CD80: variants seen among roughly 807,000 people sequenced by gnomAD.
The protein encoded by CD80 is T-lymphocyte activation antigen CD80.
CD80 carries 13 observed loss-of-function variants against 27.1 expected under a neutral mutation model. That is an observed-to-expected ratio of 0.48 (90% CI 0.31 to 0.76). The LOEUF (loss-of-function observed/expected upper bound fraction) is 0.76, where lower values mean the gene tolerates loss of function less well. CD80 is among the 30% of genes least tolerant of loss of function. The probability of loss-of-function intolerance (pLI) is 0.04; values close to 1 mark genes in which losing one functional copy is unlikely to be tolerated. For missense variants in CD80, 277 were observed against 347.9 expected (o/e 0.80, Z 1.62); for synonymous variants, 125 against 125.5 (o/e 1.00, Z 0.03).
chr3:119,546,386 T>C (rs1436187937), intron 2 of CD80, among the ~76,000 whole-genome samples: 2 of 152,178 alleles, frequency 1.3e-5, no homozygotes, highest in Non-Finnish European at 1.5e-5. Context: ...ACAGGTGCTA[T>C]GTCATTTAAT....
At chr3:119,535,446 A>G (rs961298155) in intron 4 of CD80, among the ~76,000 whole-genome samples, 1 of 152,156 alleles carries the variant, frequency 6.6e-6, no homozygotes, top group African/African-American at 2.4e-5. Context: ...GTAGGGAGAG[A>G]GACCTGTGGT....
rs573304504 is a variant in CD80, at chr3:119,543,155, G to A, written c.418+1395C>T. ...CTGATTTGAGTAATGATAAAACTCCGGTCTCCCGCACAGCCAGTTGTGCGT... is the reference window on the plus strand; with the variant it reads ...CTGATTTGAGTAATGATAAAACTCCAGTCTCCCGCACAGCCAGTTGTGCGT... On this transcript the variant is annotated intron_variant, in intron 3 of 6. Transcript: ENST00000264246. 6.6e-5 allele frequency among the ~76,000 whole-genome samples: 10 copies of A among 152,248 alleles called. No individual in the cohort carries two copies. In the South Asian group the frequency reaches 8.3e-4, roughly 13 times the overall value.
rs950118436 is a variant in CD80 at position 119,525,673 on chromosome 3, C to G, written c.*115G>C. On this transcript the variant is annotated 3_prime_UTR_variant, in exon 7 of 7. Transcript: ENST00000264246. ...GTGAAGAAGCACCTAAGAGCAGATACGTAAAGGGCAAGGTGGGGTAATCTT... is the reference window on the plus strand; with the variant it reads ...GTGAAGAAGCACCTAAGAGCAGATAGGTAAAGGGCAAGGTGGGGTAATCTT... 1.3e-5 allele frequency: 2 copies of G among 152,374 alleles called. No homozygotes were observed. The highest frequency in any genetic ancestry group is 4.8e-5 in the African/African-American group (2 of 41,372). The allele number at this position is 152,374 out of a possible 1,614,324, so 9.4% of individuals were successfully genotyped here. A position where few individuals can be genotyped will look rare whatever the true frequency, so the allele number is the denominator to read the frequency against.
intron 2 of CD80, among the ~76,000 whole-genome samples, chr3:119,552,014 G>C (rs760003698): frequency 6.6e-6 from 1 of 152,254 alleles, no homozygotes; most frequent in South Asian, 2.1e-4. Flanking sequence ...TCTGGCGAAT[G>C]CATGGAAACT....
intron 2 of CD80, among the ~76,000 whole-genome samples, chr3:119,546,281 G>T (rs1030040055): frequency 9.2e-5 from 14 of 152,144 alleles, no homozygotes; most frequent in Admixed American, 4.6e-4. Flanking sequence ...GGAGGGCAAG[G>T]TGCTGTTGCC....
intron 2 of CD80, among the ~76,000 whole-genome samples, chr3:119,554,089 T>C (rs2082250172): frequency 6.6e-6 from 1 of 152,250 alleles, no homozygotes; most frequent in Non-Finnish European, 1.5e-5. Context: ...TCATATACTC[T>C]GTACCATCTG....
At chr3:119,558,260 C>T (rs1013503487) in intron 1 of CD80, among the ~76,000 whole-genome samples, 2 of 152,162 alleles carry the variant, frequency 1.3e-5, no homozygotes, top group African/African-American at 2.4e-5. Context: ...ATAGAGCAGA[C>T]AGTAAGGGTG....
At chr3:119,558,253 G>A (rs1290945882) in intron 1 of CD80, among the ~76,000 whole-genome samples, 6 of 152,188 alleles carry the variant, frequency 3.9e-5, no homozygotes, top group Non-Finnish European at 8.8e-5. Context: ...AAGAAACATA[G>A]AGCAGACAGT....
chr3:119,550,939 C>G (rs1394452928), intron 2 of CD80, among the ~76,000 whole-genome samples: 1 of 152,166 alleles, frequency 6.6e-6, no homozygotes, highest in Non-Finnish European at 1.5e-5. Flanking sequence ...TCCCTGCCCC[C>G]CTCCATCCTG....
Position 119,557,679 on chromosome 3 carries a change from AG to A in CD80, c.49del (p.Leu17SerfsTer22), listed in dbSNP as rs2082271961. 6.2e-7 allele frequency: 1 copy of A among 1,613,704 alleles called. No individual in the cohort carries two copies. Among genetic ancestry groups the A allele is most frequent in the Non-Finnish European group, 8.5e-7 (1 of 1,179,878 alleles). On this transcript the variant is annotated frameshift_variant, in exon 2 of 7. Transcript: ENST00000264246. LOFTEE classifies it high-confidence loss of function. ...QGTSPSKCPY[L>X]NFFQLLVLAG... is the part of the protein sequence containing the mutation. ...CAGCACCAAGAGCTGAAAGAAATTG[AG>A]GTATGGACACTTGGATGGTGATGTT...
intron 3 of CD80, among the ~76,000 whole-genome samples, chr3:119,541,433 C>A (rs1232948064): frequency 6.6e-6 from 1 of 152,228 alleles, no homozygotes; most frequent in East Asian, 1.9e-4. Flanking sequence ...ATAGGGTAAC[C>A]AACGTGTCCT....
intron 4 of CD80, among the ~76,000 whole-genome samples, chr3:119,536,691 C>T (rs2082140125): frequency 6.6e-6 from 1 of 152,184 alleles, no homozygotes; most frequent in Non-Finnish European, 1.5e-5. Context: ...TATCTAAAAA[C>T]ACTATAAAAC....
At chr3:119,551,701 G>GCTTCACA (rs1341616949) in intron 2 of CD80, among the ~76,000 whole-genome samples, 4 of 152,174 alleles carry the variant, frequency 2.6e-5, no homozygotes, top group African/African-American at 7.2e-5. Flanking sequence ...TATCTTCCCT[G>GCTTCACA]CTTCACATAA....
rs887146326 is a variant in CD80, at chr3:119,537,358, A to C, written c.479T>G (p.Ile160Arg). The C allele has an allele frequency of 6.2e-7, 1 of 1,612,686 alleles. No individual in the cohort carries two copies. Residue 160 changes from isoleucine to arginine, a missense_variant, in exon 4 of 7, where the codon ATA becomes AGA. Transcript: ENST00000264246. ...AAAACCTCCAGAGGTTGAGCAAATT[A>C]TCCTTCTAATATTAGAAGTTGGAAT... ...FEIPTSNIRR[I>R]ICSTSGGFPE...
chr3:119,542,077 G>A (rs2082172417), intron 3 of CD80, among the ~76,000 whole-genome samples: 1 of 108,774 alleles, frequency 9.2e-6, no homozygotes, highest in Non-Finnish European at 1.7e-5. Flanking sequence ...CCCCACCCCA[G>A]GAAACACATT....
At chr3:119,549,128 T>C (rs1166785106) in intron 2 of CD80, among the ~76,000 whole-genome samples, 1 of 152,186 alleles carries the variant, frequency 6.6e-6, no homozygotes, top group Non-Finnish European at 1.5e-5. Flanking sequence ...ATGACTCCCA[T>C]GCTTATACCT....
At chr3:119,528,288 C>T (rs1203512320) in intron 5 of CD80, among the ~76,000 whole-genome samples, 1 of 152,184 alleles carries the variant, frequency 6.6e-6, no homozygotes. Flanking sequence ...CACATACTCT[C>T]TAAAGAATTC....
intron 2 of CD80, among the ~76,000 whole-genome samples, chr3:119,547,481 C>T (rs1299642122): frequency 6.6e-6 from 1 of 152,198 alleles, no homozygotes; most frequent in Non-Finnish European, 1.5e-5. Context: ...ACATCTCATT[C>T]TTCTTATGTA....
intron 2 of CD80, among the ~76,000 whole-genome samples, chr3:119,556,227 C>T (rs988735056): frequency 6.6e-6 from 1 of 152,170 alleles, no homozygotes; most frequent in Non-Finnish European, 1.5e-5. Context: ...AAACATCTTT[C>T]TTTAGCTCAA....
Sources: gnomAD v4.1 joint callset for allele counts (sites outside exome capture counted in the v4.1 genomes callset) on GRCh38, gnomAD v4.1.1 for gene constraint, MANE v1.5 for transcripts, NCBI Gene and HGNC (gene_info 2026-07-23, HGNC 2026-07-21) for gene names.